The following SH3RF1 variants were observed in gnomAD, a reference collection of about 807,000 sequenced individuals.
SH3RF1 encodes SH3 domain containing ring finger 1, also known as E3 ubiquitin-protein ligase SH3RF1.
SH3RF1 carries 32 observed loss-of-function variants against 74.0 expected under a neutral mutation model. The ratio of observed to expected loss-of-function variants is 0.43; its 90% CI spans 0.33 to 0.58. The LOEUF (loss-of-function observed/expected upper bound fraction) is 0.58, where lower values mean the gene tolerates loss of function less well. SH3RF1 is among the 20% of genes least tolerant of loss of function. The pLI is 0.05. For missense variants in SH3RF1, 954 were observed against 1,130.9 expected (o/e 0.84, Z 2.24); for synonymous variants, 396 against 439.6 (o/e 0.90, Z 1.24).
chr4:169,097,002 C>T (rs1183004577), intron 11 of SH3RF1, among the ~76,000 whole-genome samples: 1 of 152,116 alleles, frequency 6.6e-6, no homozygotes, highest in Admixed American at 6.5e-5. Context: ...CATTTCATTT[C>T]CCGAGAGGGG....
chr4:169,099,823 T>C (rs949515629), intron 11 of SH3RF1, among the ~76,000 whole-genome samples: 2 of 152,208 alleles, frequency 1.3e-5, no homozygotes, highest in East Asian at 1.9e-4. Context: ...AAATTTTCAT[T>C]GCTAAGTTTT....
In SH3RF1 at chr4:169,106,850, T is replaced by C. The variant is rs1733147328; in HGVS notation, c.2495A>G (p.Glu832Gly). 4 of 1,548,788 alleles carry C rather than the reference T, an allele frequency of 2.6e-6. No homozygotes were observed. Among genetic ancestry groups the C allele is most frequent in the Admixed American group, 2.1e-5 (1 of 48,442 alleles). ...VLNESRPVVCERHRVVVSYPP... is the reference protein window; with the variant it reads ...VLNESRPVVCGRHRVVVSYPP... ...CCTGGAACGAAGTTGAACTTACCTT[T>C]CACAAACGACAGGTCTAGACTCATT... The change falls in exon 11 of 12, where the codon GAA becomes GGA. Residue 832 changes from glutamate (E) to glycine (G), a missense_variant. Coordinates refer to ENST00000284637, the MANE Select transcript of SH3RF1 (RefSeq NM_020870.4).
At chr4:169,231,753 T>C (rs894649734) in intron 2 of SH3RF1, among the ~76,000 whole-genome samples, 2 of 152,190 alleles carry the variant, frequency 1.3e-5, no homozygotes, top group African/African-American at 4.8e-5. Flanking sequence ...CTAACGCCTC[T>C]TTCTACTTCT....
chr4:169,132,742 C>A (rs780973419), intron 5 of SH3RF1, among the ~76,000 whole-genome samples: 13 of 152,086 alleles, frequency 8.5e-5, no homozygotes, highest in Non-Finnish European at 1.8e-4. Flanking sequence ...CCTGAGGCCA[C>A]TGAATACAAA....
intron 2 of SH3RF1, among the ~76,000 whole-genome samples, chr4:169,253,202 A>G (rs908808611): frequency 6.6e-6 from 1 of 152,230 alleles, no homozygotes; most frequent in Non-Finnish European, 1.5e-5. Context: ...ACAGCGTGGC[A>G]CATTTCTAAA....
intron 2 of SH3RF1, among the ~76,000 whole-genome samples, chr4:169,168,460 A>T (rs1734279731): frequency 6.6e-6 from 1 of 152,226 alleles, no homozygotes; most frequent in Admixed American, 6.5e-5. Flanking sequence ...AGTGTTGGAA[A>T]ATATTGACAG....
chr4:169,268,714 G>T (rs1209781746), intron 2 of SH3RF1, 106 bp downstream of exon 2: 2 of 1,281,560 alleles, frequency 1.6e-6, no homozygotes, highest in Non-Finnish European at 2.1e-6. Flanking sequence ...AGTATGTATG[G>T]TTTCCTAAGC....
chr4:169,189,509 C>T (rs1734662585), intron 2 of SH3RF1, among the ~76,000 whole-genome samples: 1 of 152,192 alleles, frequency 6.6e-6, no homozygotes, highest in African/African-American at 2.4e-5. Flanking sequence ...AAAGCAGGTA[C>T]ACTGTTGCTT....
chr4:169,233,085 C>A (rs1730769035), intron 2 of SH3RF1, among the ~76,000 whole-genome samples: 1 of 151,928 alleles, frequency 6.6e-6, no homozygotes, highest in Non-Finnish European at 1.5e-5. Flanking sequence ...CCCATCTCTA[C>A]TAAAAATACA....
In SH3RF1 at chr4:169,136,492, GTTC is replaced by G; in HGVS notation, c.891_893del (p.Lys297del). On this transcript the variant is annotated inframe_deletion, in exon 5 of 12. Transcript: ENST00000284637. Reference sequence around the variant, plus strand: ...AAGTGAAGGAGTGCCGCTTTTTGGTGTTCTTCTTGGTGTCGGAGTGCTTTGGGG... The same window carrying G: ...AAGTGAAGGAGTGCCGCTTTTTGGTGTTCTTGGTGTCGGAGTGCTTTGGGG... 2 of 1,613,936 alleles carry G rather than the reference GTTC, an allele frequency of 1.2e-6. No individual in the cohort carries two copies. Among genetic ancestry groups the G allele is most frequent in the Non-Finnish European group, 1.7e-6 (2 of 1,179,968 alleles).
intron 11 of SH3RF1, among the ~76,000 whole-genome samples, chr4:169,105,872 C>A (rs1561024787): frequency 6.6e-6 from 1 of 152,130 alleles, no homozygotes; most frequent in African/African-American, 2.4e-5. Context: ...CGCAACAGAG[C>A]AAGACCCTGT....
intron 2 of SH3RF1, among the ~76,000 whole-genome samples, chr4:169,187,123 C>T (rs902440746): frequency 1.2e-4 from 18 of 152,156 alleles, no homozygotes; most frequent in Non-Finnish European, 2.9e-5. Context: ...TTAGAGCAAC[C>T]TGCAACTCTT....
intron 10 of SH3RF1, 107 bp from the exon 11 acceptor site, chr4:169,107,312 T>C: frequency 4.8e-6 from 5 of 1,035,426 alleles, no homozygotes; most frequent in South Asian, 1.9e-5. Flanking sequence ...TTAATTTTAA[T>C]TTTTGTGGGT....
intron 8 of SH3RF1, among the ~76,000 whole-genome samples, chr4:169,119,142 C>T (rs147756978): frequency 0.035 from 5,382 of 151,794 alleles, 145 homozygotes; most frequent in South Asian, 0.099. Context: ...CTTGCTCTGC[C>T]GCCCAGGCTG....
chr4:169,250,494 AT>A (rs1359049153), intron 2 of SH3RF1, among the ~76,000 whole-genome samples: 1 of 152,178 alleles, frequency 6.6e-6, no homozygotes, highest in Non-Finnish European at 1.5e-5. Context: ...TATTTGCAAT[AT>A]TTTTCAACAT....
chr4:169,098,534 T>C (rs1436269530), intron 11 of SH3RF1, among the ~76,000 whole-genome samples: 1 of 152,250 alleles, frequency 6.6e-6, no homozygotes, highest in Non-Finnish European at 1.5e-5. Context: ...GGTAAGTGGC[T>C]GCTTGAACAA....
intron 4 of SH3RF1, among the ~76,000 whole-genome samples, chr4:169,137,246 C>A (rs1733716087): frequency 6.6e-6 from 1 of 152,140 alleles, no homozygotes; most frequent in Non-Finnish European, 1.5e-5. Flanking sequence ...CCTATGTGCA[C>A]GTACTTTAAA....
chr4:169,125,611 G>A (rs6823936), intron 6 of SH3RF1, among the ~76,000 whole-genome samples: 30,155 of 152,088 alleles, frequency 0.2, 3,151 homozygotes, highest in African/African-American at 0.26. Context: ...TGTCTCTTAC[G>A]TGTGTATCTC....
intron 2 of SH3RF1, among the ~76,000 whole-genome samples, chr4:169,187,519 TGTGTGTGTGTGTGTGTGTGTGTG>T (rs1734629154): frequency 0.019 from 1 of 52 alleles, no homozygotes; most frequent in Admixed American, 0.12. Flanking sequence ...CGAATTTCTG[TGTGTGTGTGTGTGTGTGTGTGTG>T]TGTGTGTGTG....
Sources: gnomAD v4.1 joint callset for allele counts (sites outside exome capture counted in the v4.1 genomes callset) on GRCh38, gnomAD v4.1.1 for gene constraint, MANE v1.5 for transcripts, NCBI Gene and HGNC (gene_info 2026-07-23, HGNC 2026-07-21) for gene names.